The following TOM1 variants were observed in gnomAD, a reference collection of about 807,000 sequenced individuals.
TOM1 encodes the protein target of Myb protein 1.
In TOM1, 38 loss-of-function variants were observed where a neutral mutation model predicts 61.3. The observed-to-expected ratio is 0.62, with a 90% CI of 0.48 to 0.81. The LOEUF is 0.81. TOM1 is among the 40% of genes least tolerant of loss of function. TOM1 has a pLI of 0.00. For synonymous variants in TOM1, 270 were observed against 268.8 expected, an observed-to-expected ratio of 1.00 and a Z score of -0.04; for missense variants, 591 against 659.6, an observed-to-expected ratio of 0.90 and a Z score of 1.14.
Position 35,323,341 on chromosome 22 carries a change from G to A in TOM1, c.367-155G>A, listed in dbSNP as rs1374792905. On this transcript the variant is annotated intron_variant, in intron 4 of 14. Coordinates refer to ENST00000449058, the MANE Select transcript of TOM1 (RefSeq NM_005488.3). The surrounding 1 kb of genome is among the most constrained non-coding windows in gnomAD (Gnocchi z 4.2). ...GGATGTTCTGTGGGGAGGGAGGCTTGCCAACTGCGTGCTTTGCTGTGGAGT... is the reference window on the plus strand; with the variant it reads ...GGATGTTCTGTGGGGAGGGAGGCTTACCAACTGCGTGCTTTGCTGTGGAGT... 22 of 1,361,876 alleles carry A rather than the reference G, an allele frequency of 1.6e-5. No homozygotes were observed. Among genetic ancestry groups the A allele is most frequent in the Non-Finnish European group, 2.0e-5 (20 of 994,686 alleles). 84.4% of individuals were successfully genotyped at this position (1,361,876 alleles called of 1,614,324 possible).
upstream of TOM1, chr22:35,299,852 C>T: frequency 6.6e-7 from 1 of 1,509,536 alleles, no homozygotes; most frequent in Non-Finnish European, 9.0e-7. Context: ...CCTCCGAGTG[C>T]GTCACGTGAC....
intron 12 of TOM1, chr22:35,344,981 T>C (rs1448357217): frequency 6.5e-6 from 1 of 152,870 alleles, no homozygotes; most frequent in African/African-American, 2.4e-5. Context: ...TAGGTCCAGC[T>C]CTTTCTCACT....
chr22:35,323,230 G>A lies in TOM1; in HGVS notation c.366+53G>A, dbSNP rs1927985052. 3.8e-6 allele frequency: 6 copies of A among 1,593,622 alleles called. No individual in the cohort carries two copies. The highest frequency in any genetic ancestry group is 5.1e-6 in the Non-Finnish European group (6 of 1,170,082). On this transcript the variant is annotated intron_variant, in intron 4 of 14. Transcript: ENST00000449058. The surrounding 1 kb of genome is among the most constrained non-coding windows in gnomAD (Gnocchi z 4.2). Reference sequence around the variant, plus strand: ...GCCAGGAAGAGCTGTCAGTGCAGGAGCTTCCTGCCCAGTGGAGAGTCGAGG... The same window carrying A: ...GCCAGGAAGAGCTGTCAGTGCAGGAACTTCCTGCCCAGTGGAGAGTCGAGG...
intron 13 of TOM1, among the ~76,000 whole-genome samples, chr22:35,346,177 C>T (rs549406920): frequency 1.2e-4 from 19 of 152,314 alleles, no homozygotes; most frequent in African/African-American, 3.8e-4. Context: ...ATCAGAAGAC[C>T]GATAAGCAGC....
intron 3 of TOM1, chr22:35,322,682 T>G: frequency 4.1e-6 from 1 of 241,904 alleles, no homozygotes; most frequent in Non-Finnish European, 7.9e-6. Flanking sequence ...CACCAGTCGA[T>G]TGACATCTCA....
chr22:35,316,857 C>G (rs890915201), intron 1 of TOM1, among the ~76,000 whole-genome samples: 2 of 152,132 alleles, frequency 1.3e-5, no homozygotes, highest in African/African-American at 4.8e-5. Context: ...GATACCTTGC[C>G]GTGCTGATAC....
At chr22:35,324,905 G>C (rs1243415541) in intron 6 of TOM1, among the ~76,000 whole-genome samples, 1 of 152,218 alleles carries the variant, frequency 6.6e-6, no homozygotes, top group Non-Finnish European at 1.5e-5. Context: ...CCAGCCCTCT[G>C]ACTAGCTTTG....
chr22:35,313,284 T>A (rs1169999384), intron 1 of TOM1, among the ~76,000 whole-genome samples: 1 of 151,490 alleles, frequency 6.6e-6, no homozygotes, highest in Non-Finnish European at 1.5e-5. Flanking sequence ...GAGGCAGAGG[T>A]TGCAGTGAGC....
chr22:35,322,009 A>G lies in TOM1; in HGVS notation c.188A>G (p.Asn63Ser). Residue 63 changes from asparagine (N) to serine (S), a missense_variant, in exon 3 of 15, where the codon AAC (asparagine) becomes AGC (serine). Coordinates refer to ENST00000449058, the MANE Select transcript of TOM1 (RefSeq NM_005488.3). ...AVKKRIVGNKNFHEVMLALTV... is the reference protein window; with the variant it reads ...AVKKRIVGNKSFHEVMLALTV... ...AAGAAGAGAATCGTGGGGAATAAGAACTTCCACGAGGTGATGCTGGCTCTC... is the reference window on the plus strand; with the variant it reads ...AAGAAGAGAATCGTGGGGAATAAGAGCTTCCACGAGGTGATGCTGGCTCTC... The G allele has an allele frequency of 6.2e-7, 1 of 1,614,154 alleles. No individual in the cohort carries two copies. The highest frequency in any genetic ancestry group is 8.5e-7 in the Non-Finnish European group (1 of 1,180,014).
chr22:35,312,717 C>G (rs543148126), intron 1 of TOM1, among the ~76,000 whole-genome samples: 29 of 152,264 alleles, frequency 1.9e-4, no homozygotes, highest in Non-Finnish European at 3.1e-4. Context: ...ACTGGATGAG[C>G]CTGACTGAAT....
intron 7 of TOM1, among the ~76,000 whole-genome samples, chr22:35,329,437 A>T (rs1928627080): frequency 6.6e-6 from 1 of 152,254 alleles, no homozygotes. Context: ...GTTTAATGGT[A>T]GTTTACCAGT....
At chr22:35,305,399 C>T (rs1410759971) in intron 1 of TOM1, among the ~76,000 whole-genome samples, 3 of 152,210 alleles carry the variant, frequency 2.0e-5, no homozygotes, top group African/African-American at 4.8e-5. Flanking sequence ...CGGTGGCTCA[C>T]GCCTGTAATC....
intron 1 of TOM1, among the ~76,000 whole-genome samples, chr22:35,305,205 C>G (rs1926208291): frequency 6.6e-6 from 1 of 152,208 alleles, no homozygotes; most frequent in Non-Finnish European, 1.5e-5. Flanking sequence ...GGTTCCAGCT[C>G]TGGTTCTGCT....
chr22:35,337,723 A>G (rs909719657), intron 11 of TOM1, among the ~76,000 whole-genome samples: 15 of 152,234 alleles, frequency 9.9e-5, no homozygotes, highest in Admixed American at 3.9e-4. Flanking sequence ...GCCCCGCTTC[A>G]CTAGCGTGTC....
intron 1 of TOM1, among the ~76,000 whole-genome samples, chr22:35,312,738 A>G (rs1008190315): frequency 6.6e-6 from 1 of 152,214 alleles, no homozygotes; most frequent in Non-Finnish European, 1.5e-5. Context: ...GAGGAATGGC[A>G]TTGCAGACAG....
chr22:35,323,964 C>T lies in TOM1; in HGVS notation c.648+50C>T, dbSNP rs776917573. The T allele has an allele frequency of 2.8e-5, 43 of 1,511,526 alleles. No individual in the cohort carries two copies. The African/African-American group carries it at 5.0e-4, about 18-fold the overall frequency. The allele number at this position is 1,511,526 out of a possible 1,614,324, so 93.6% of individuals were successfully genotyped here. ...GTCAGGTCCAGGCAGGTGGGCCACA[C>T]ACGTCAGGGAGGGCCCCCTGTCAGA... On this transcript the variant is annotated intron_variant, in intron 6 of 14. Transcript: ENST00000449058. This position sits in a 1 kb window ranked among gnomAD's most constrained non-coding sequence, Gnocchi z 4.2.
chr22:35,340,277 G>T (rs1249323527), intron 12 of TOM1, among the ~76,000 whole-genome samples: 1 of 152,178 alleles, frequency 6.6e-6, no homozygotes, highest in African/African-American at 2.4e-5. Flanking sequence ...GACTTCTGAG[G>T]CTAGCATGGG....
Position 35,338,731 on chromosome 22 carries a change from C to G in TOM1, c.1167C>G (p.Pro389=), listed in dbSNP as rs924685343. The G allele has an allele frequency of 2.5e-6, 4 of 1,595,802 alleles. No homozygotes were observed. Among genetic ancestry groups the G allele is most frequent in the South Asian group, 1.1e-5 (1 of 88,054 alleles). Residue 389 remains proline, a synonymous_variant, in exon 12 of 15, where the codon CCC becomes CCG. Transcript: ENST00000449058. The stretch of plus-strand genomic sequence containing the variant: ...CTTTCAGGGTAAAATACGAAGCCCC[C>G]CAAGCAACAGACGGCCTGGCTGGAG... ...DQRKEVKYEA[P]QATDGLAGAL...
intron 6 of TOM1, among the ~76,000 whole-genome samples, chr22:35,326,819 G>A (rs565941521): frequency 1.3e-5 from 2 of 151,448 alleles, no homozygotes; most frequent in South Asian, 4.2e-4. Context: ...GGAGAGAGAG[G>A]GGGGGATCCC....
Sources: gnomAD v4.1 joint callset for allele counts (sites outside exome capture counted in the v4.1 genomes callset) on GRCh38, gnomAD v4.1.1 for gene constraint, Gnocchi (gnomAD v3.1) non-coding constraint, MANE v1.5 for transcripts, NCBI Gene and HGNC (gene_info 2026-07-23, HGNC 2026-07-21) for gene names.